NR4A3: variants seen among roughly 807,000 people sequenced by gnomAD.
NR4A3 encodes chondrosarcoma, extraskeletal myxoid, fused to EWS.
In NR4A3, 13 loss-of-function variants were observed where a neutral mutation model predicts 55.6. The ratio of observed to expected loss-of-function variants is 0.23; its 90% confidence interval spans 0.15 to 0.37. NR4A3 has a LOEUF of 0.37. Ranked by LOEUF, NR4A3 falls within the 10% of genes least tolerant of loss-of-function variation. The pLI, the probability that NR4A3 is intolerant of heterozygous loss-of-function variation, is 1.00. For missense variants in NR4A3, 646 were observed against 822.8 expected, an observed-to-expected ratio of 0.79 and a Z score of 2.63; for synonymous variants, 342 against 357.9, an observed-to-expected ratio of 0.96 and a Z score of 0.50.
At chr9:99,863,466 A>G (rs1828042734) in intron 7 of NR4A3, among the ~76,000 whole-genome samples, 154 bp from the exon 8 acceptor site, 1 of 152,190 alleles carries the variant, frequency 6.6e-6, no homozygotes, top group East Asian at 1.9e-4. Flanking sequence ...GCTTCATACC[A>G]AAGGCCATGA....
Position 99,866,144 on chromosome 9 carries a change from C to A in NR4A3, c.*2277C>A. ...TGCATTAATTTTTTGAGCTTATATGCAAACATAATAAATATTATTAAATAT... is the reference window on the plus strand; with the variant it reads ...TGCATTAATTTTTTGAGCTTATATGAAAACATAATAAATATTATTAAATAT... On this transcript the variant is annotated 3_prime_UTR_variant, in exon 8 of 8. Transcript: ENST00000395097. 4.7e-6 allele frequency: 1 copy of A among 210,802 alleles called. No individual in the cohort carries two copies. 13.1% of individuals were successfully genotyped at this position (210,802 alleles called of 1,614,324 possible).
In NR4A3 at chr9:99,836,685, A is replaced by G. The variant is rs962812161; in HGVS notation, c.1254+3231A>G. Among the ~76,000 whole-genome samples, 5 of 152,250 alleles carry G rather than the reference A, an allele frequency of 3.3e-5. No individual in the cohort carries two copies. In the South Asian group the frequency reaches 8.3e-4, roughly 25 times the overall value. ...GGGCCTCTTCCCGCTCACTTGTCTG[A>G]TAACAAGTGTTGGCCATACTAGCTG... On this transcript the variant is annotated intron_variant, in intron 5 of 7. Coordinates refer to ENST00000395097, the MANE Select transcript of NR4A3 (RefSeq NM_006981.4).
At chr9:99,839,019 G>A (rs1161428357) in intron 5 of NR4A3, among the ~76,000 whole-genome samples, 1 of 152,184 alleles carries the variant, frequency 6.6e-6, no homozygotes, top group Non-Finnish European at 1.5e-5. Context: ...ACTGTTCCAG[G>A]GCAATGGACA....
intron 5 of NR4A3, 22 bp from the exon 6 acceptor site, chr9:99,844,627 C>T: frequency 6.2e-7 from 1 of 1,607,238 alleles, no homozygotes; most frequent in Non-Finnish European, 8.5e-7. Flanking sequence ...GATAATGCTG[C>T]TCTCTCTGGT....
intron 5 of NR4A3, among the ~76,000 whole-genome samples, chr9:99,844,232 G>C (rs1587881612): frequency 6.6e-6 from 1 of 152,168 alleles, no homozygotes; most frequent in East Asian, 1.9e-4. Flanking sequence ...TGGGGCAGTA[G>C]TTCTCAATTG....
intron 7 of NR4A3, among the ~76,000 whole-genome samples, chr9:99,856,371 A>G (rs1192401609): frequency 6.6e-6 from 1 of 152,010 alleles, no homozygotes; most frequent in Non-Finnish European, 1.5e-5. Context: ...TGAGAATCTA[A>G]TGCCGCCACT....
In NR4A3 at chr9:99,844,712, C is replaced by G; in HGVS notation, c.1318C>G (p.Leu440Val). 6.2e-7 allele frequency: 1 copy of G among 1,614,178 alleles called. No individual in the cohort carries two copies. The highest frequency in any genetic ancestry group is 8.5e-7 in the Non-Finnish European group (1 of 1,180,028). The change falls in exon 6 of 8, where the codon CTC becomes GTC. Residue 440 changes from leucine (L) to valine (V), a missense_variant. Coordinates refer to ENST00000395097, the MANE Select transcript of NR4A3 (RefSeq NM_006981.4). ...DAEHVQQFYN[L>V]LTASIDVSRS... ...TGAGCATGTGCAACAATTCTACAAC[C>G]TCCTGACAGCCTCCATTGATGTATC...
intron 5 of NR4A3, among the ~76,000 whole-genome samples, chr9:99,837,133 T>G (rs1185562121): frequency 6.6e-6 from 1 of 152,202 alleles, no homozygotes; most frequent in African/African-American, 2.4e-5. Flanking sequence ...CAAAATTTTC[T>G]CCCATTCTGT....
intron 1 of NR4A3, among the ~76,000 whole-genome samples, chr9:99,824,590 C>G (rs1056226726): frequency 2.0e-5 from 3 of 152,224 alleles, no homozygotes; most frequent in African/African-American, 7.2e-5. Flanking sequence ...CCCTTTCTCT[C>G]TTCCTGCAGG....
At chr9:99,856,816 A>C (rs1827935393) in intron 7 of NR4A3, among the ~76,000 whole-genome samples, 1 of 152,186 alleles carries the variant, frequency 6.6e-6, no homozygotes, top group Non-Finnish European at 1.5e-5. Context: ...CGGATTCTGC[A>C]TTTCCAGCAA....
At position 99,866,142 on chromosome 9, in the gene NR4A3, T is replaced by C. The variant is rs763519773; in HGVS notation, c.*2275T>C. The C allele has an allele frequency of 1.9e-5, 4 of 210,730 alleles. No homozygotes were observed. Among genetic ancestry groups the C allele is most frequent in the Non-Finnish European group, 2.9e-5 (3 of 103,654 alleles). The allele number at this position is 210,730 out of a possible 1,614,324, so 13.1% of individuals were successfully genotyped here. On this transcript the variant is annotated 3_prime_UTR_variant, in exon 8 of 8. Coordinates refer to ENST00000395097, the MANE Select transcript of NR4A3 (RefSeq NM_006981.4). ...TTTGCATTAATTTTTTGAGCTTATA[T>C]GCAAACATAATAAATATTATTAAAT...
rs1304583507 is a variant in NR4A3, at chr9:99,828,729, C to T, written c.687C>T (p.Ala229=). 7.7e-7 allele frequency: 1 copy of T among 1,304,668 alleles called. No homozygotes were observed. Among genetic ancestry groups the T allele is most frequent in the Non-Finnish European group, 9.7e-7 (1 of 1,030,482 alleles). 80.8% of individuals were successfully genotyped at this position (1,304,668 alleles called of 1,614,324 possible). A position where few individuals can be genotyped will look rare whatever the true frequency, so the allele number is the denominator to read the frequency against. ...TCAGCCTGCCGCTGGGAGCCGCAGCCGCCGCGGGCAGCCAGGCCGCCGCGC... is the reference window on the plus strand; with the variant it reads ...TCAGCCTGCCGCTGGGAGCCGCAGCTGCCGCGGGCAGCCAGGCCGCCGCGC... ...AALSLPLGAA[A]AAGSQAAALE... Residue 229 remains alanine, a synonymous_variant, in exon 3 of 8, where the codon GCC becomes GCT. Coordinates refer to ENST00000395097, the MANE Select transcript of NR4A3 (RefSeq NM_006981.4). This position sits in a 1 kb window ranked among gnomAD's most constrained non-coding sequence, Gnocchi z 7.7.
intron 4 of NR4A3, among the ~76,000 whole-genome samples, 166 bp from the exon 5 acceptor site, chr9:99,833,116 T>C (rs1051149704): frequency 1.3e-5 from 2 of 152,252 alleles, no homozygotes; most frequent in African/African-American, 2.4e-5. Context: ...GTTTCAACTC[T>C]CATGAAATCA....
chr9:99,858,487 T>G (rs1047557308), intron 7 of NR4A3, among the ~76,000 whole-genome samples: 10 of 152,236 alleles, frequency 6.6e-5, no homozygotes, highest in Non-Finnish European at 1.3e-4. Context: ...CTGTCGCATC[T>G]CTAACCCCAG....
intron 5 of NR4A3, among the ~76,000 whole-genome samples, chr9:99,834,565 C>T (rs542319565): frequency 8.5e-5 from 13 of 152,206 alleles, no homozygotes; most frequent in African/African-American, 2.9e-4. Flanking sequence ...TCCAGAGGCC[C>T]CCAGTCGGTT....
In NR4A3 at chr9:99,866,318, G is replaced by A. The variant is rs1304263414; in HGVS notation, c.*2451G>A. 4.5e-6 allele frequency: 1 copy of A among 221,634 alleles called. No individual in the cohort carries two copies. The highest frequency in any genetic ancestry group is 2.2e-5 in the African/African-American group (1 of 44,672). 13.7% of individuals were successfully genotyped at this position (221,634 alleles called of 1,614,324 possible). On this transcript the variant is annotated 3_prime_UTR_variant, in exon 8 of 8. Coordinates refer to ENST00000395097, the MANE Select transcript of NR4A3 (RefSeq NM_006981.4). Reference sequence around the variant, plus strand: ...TGTTTTTGTCGTGTCTATAAAGGAAGAACAAAACAAAATAAAAACAGAGCC... The same window carrying A: ...TGTTTTTGTCGTGTCTATAAAGGAAAAACAAAACAAAATAAAAACAGAGCC...
chr9:99,823,535 G>T (rs1286458756), intron 1 of NR4A3, among the ~76,000 whole-genome samples: 1 of 152,112 alleles, frequency 6.6e-6, no homozygotes, highest in Non-Finnish European at 1.5e-5. Context: ...ATTCCATCGC[G>T]AGTCCAGTGC....
In NR4A3 at chr9:99,847,609, A is replaced by T; in HGVS notation, c.1627A>T (p.Ile543Phe). 6.2e-7 allele frequency: 1 copy of T among 1,613,882 alleles called. No homozygotes were observed. The highest frequency in any genetic ancestry group is 8.5e-7 in the Non-Finnish European group (1 of 1,179,914). Residue 543 changes from isoleucine (I) to phenylalanine (F), a missense_variant, in exon 7 of 8, where the codon ATC becomes TTC. Physicochemically the swap from Ile to Phe is conservative, Grantham distance 21. Coordinates refer to ENST00000395097, the MANE Select transcript of NR4A3 (RefSeq NM_006981.4). The stretch of plus-strand genomic sequence containing the variant: ...AGCCTGCCTGTCAGCACTGAGCATG[A>T]TCACAGGTAAGCACCACCTTGCCAA... ...ALACLSALSM[I>F]TERHGLKEPK... is the part of the protein sequence containing the mutation.
chr9:99,838,542 C>T (rs1827599076), intron 5 of NR4A3, among the ~76,000 whole-genome samples: 1 of 152,208 alleles, frequency 6.6e-6, no homozygotes, highest in African/African-American at 2.4e-5. Flanking sequence ...GGCCAGTTTC[C>T]TGATCCAAAT....
Sources: allele counts gnomAD v4.1 joint callset (sites outside exome capture counted in the v4.1 genomes callset), GRCh38; gene constraint gnomAD v4.1.1; non-coding constraint Gnocchi (gnomAD v3.1); transcripts MANE v1.5; gene names NCBI Gene and HGNC (gene_info 2026-07-23, HGNC 2026-07-21).